MED12L: variants seen among roughly 807,000 people sequenced by gnomAD.
The protein encoded by MED12L is mediator complex subunit 12L, also known as mediator of RNA polymerase II transcription subunit 12-like protein.
MED12L carries 60 observed loss-of-function variants against 281.3 expected under a neutral mutation model. The observed-to-expected ratio is 0.21, with a 90% confidence interval of 0.17 to 0.26. The LOEUF (loss-of-function observed/expected upper bound fraction) is 0.26, where lower values mean the gene tolerates loss of function less well. MED12L is among the 10% of genes least tolerant of loss of function. The pLI is 1.00. For missense variants in MED12L, 2,146 were observed against 2,680.9 expected (o/e 0.80, Z 4.41); for synonymous variants, 974 against 987.2 (o/e 0.99, Z 0.25).
chr3:151,142,378 G>T (rs749103856), intron 5 of MED12L, among the ~76,000 whole-genome samples: 19 of 152,222 alleles, frequency 1.2e-4, no homozygotes, highest in African/African-American at 4.6e-4. Flanking sequence ...GCATCTTGCA[G>T]ATCTGTTGCT....
chr3:151,264,662 C>T lies in MED12L; in HGVS notation c.2250+70996C>T, dbSNP rs80124898. ...TAATCAATGCTGGGAGCAGGAGCCT[C>T]CTGTGACCTTCCAGCCTGTGCCCCC... On this transcript the variant is annotated intron_variant, in intron 16 of 44. Coordinates refer to ENST00000687756, the MANE Select transcript of MED12L (RefSeq NM_001393769.1). 9.8e-3 allele frequency among the ~76,000 whole-genome samples: 1,499 copies of T among 152,320 alleles called. 10 individuals are homozygous for T. The highest frequency in any genetic ancestry group is 0.031 in the Middle Eastern group (9 of 294).
chr3:151,238,719 A>G (rs1733433281), intron 16 of MED12L, among the ~76,000 whole-genome samples: 1 of 152,198 alleles, frequency 6.6e-6, no homozygotes, highest in Non-Finnish European at 1.5e-5. Context: ...AGTTTTACCA[A>G]TTGCTTAATA....
chr3:151,433,552 T>A lies in MED12L; in HGVS notation c.*748T>A, dbSNP rs759191268. 1 of 152,478 alleles carries A rather than the reference T, an allele frequency of 6.6e-6. No homozygotes were observed. Among genetic ancestry groups the A allele is most frequent in the Admixed American group, 6.5e-5 (1 of 15,288 alleles). 9.4% of individuals were successfully genotyped at this position (152,478 alleles called of 1,614,324 possible). ...ATTTGTTTTGAGGCAAGATCATTGA[T>A]GAGAGTCATTGTGAAGGTACAACAT... On this transcript the variant is annotated 3_prime_UTR_variant, in exon 45 of 45. Transcript: ENST00000687756.
chr3:151,169,855 G>T (rs535722384), intron 11 of MED12L, among the ~76,000 whole-genome samples: 2 of 152,324 alleles, frequency 1.3e-5, no homozygotes, highest in South Asian at 4.1e-4. Flanking sequence ...GTTGCAATAG[G>T]TTGGAGGTTT....
intron 5 of MED12L, among the ~76,000 whole-genome samples, chr3:151,144,032 C>T (rs1387109445): frequency 1.3e-5 from 2 of 152,294 alleles, no homozygotes; most frequent in Non-Finnish European, 2.9e-5. Flanking sequence ...ACATTAATTT[C>T]AGACTGCTAT....
intron 5 of MED12L, among the ~76,000 whole-genome samples, chr3:151,131,666 A>G (rs576855054): frequency 6.6e-6 from 1 of 152,330 alleles, no homozygotes; most frequent in South Asian, 2.1e-4. Context: ...GATAATTTGG[A>G]AAGGTTATGT....
At chr3:151,250,179 T>A (rs1736566500) in intron 16 of MED12L, among the ~76,000 whole-genome samples, 1 of 152,210 alleles carries the variant, frequency 6.6e-6, no homozygotes, top group South Asian at 2.1e-4. Context: ...CCTCAGCACT[T>A]ATCTAGAACT....
intron 16 of MED12L, among the ~76,000 whole-genome samples, chr3:151,315,477 A>G (rs1470088377): frequency 2.0e-5 from 3 of 152,188 alleles, no homozygotes; most frequent in Admixed American, 6.5e-5. Flanking sequence ...TATAGGCTGT[A>G]TCCTTAAATA....
chr3:151,392,863 TAG>T lies in MED12L; in HGVS notation c.5609-1790_5609-1789del, dbSNP rs565702381. Among the ~76,000 whole-genome samples the T allele has an allele frequency of 2.0e-3, 311 of 152,342 alleles. 1 individual carries two copies. The highest frequency in any genetic ancestry group is 8.1e-3 in the Admixed American group (124 of 15,304). On this transcript the variant is annotated intron_variant, in intron 38 of 44. Coordinates refer to ENST00000687756, the MANE Select transcript of MED12L (RefSeq NM_001393769.1). The stretch of plus-strand genomic sequence containing the variant: ...GTAGTTTCTCAGAGGTACAAGATCA[TAG>T]AGTTAGGAAAATTTTTAAAAATTAG...
intron 5 of MED12L, among the ~76,000 whole-genome samples, chr3:151,149,830 G>A (rs1419519923): frequency 6.6e-6 from 1 of 152,160 alleles, no homozygotes; most frequent in Non-Finnish European, 1.5e-5. Context: ...TCCATCTGAA[G>A]AAACCACTTT....
At chr3:151,274,377 G>C (rs1741498782) in intron 16 of MED12L, among the ~76,000 whole-genome samples, 1 of 152,102 alleles carries the variant, frequency 6.6e-6, no homozygotes, top group South Asian at 2.1e-4. Flanking sequence ...TTTTATCTCA[G>C]ACCATATCCT....
At chr3:151,429,378 A>C (rs546334788) in intron 43 of MED12L, among the ~76,000 whole-genome samples, 8 of 152,274 alleles carry the variant, frequency 5.3e-5, no homozygotes, top group African/African-American at 1.9e-4. Context: ...CACATGGGAA[A>C]CAGCCAGCAC....
intron 16 of MED12L, among the ~76,000 whole-genome samples, chr3:151,209,494 T>TG (rs1022643058): frequency 2.6e-5 from 4 of 152,202 alleles, no homozygotes; most frequent in African/African-American, 4.8e-5. Flanking sequence ...GTAATCCACA[T>TG]GCCATTAGAG....
intron 16 of MED12L, among the ~76,000 whole-genome samples, chr3:151,279,496 C>G (rs1742458625): frequency 6.6e-6 from 1 of 152,136 alleles, no homozygotes; most frequent in South Asian, 2.1e-4. Flanking sequence ...CACTGTTGAT[C>G]CTTGGCAAAG....
At chr3:151,113,651 A>C (rs1576753267) in intron 2 of MED12L, among the ~76,000 whole-genome samples, 1 of 152,204 alleles carries the variant, frequency 6.6e-6, no homozygotes, top group Non-Finnish European at 1.5e-5. Flanking sequence ...TAGAATGCAA[A>C]GTTTAAACTT....
At chr3:151,191,032 G>A in intron 14 of MED12L, 101 bp downstream of exon 14, 4 of 1,032,850 alleles carry the variant, frequency 3.9e-6, no homozygotes, top group East Asian at 2.5e-5. Context: ...ATGGCTTTTT[G>A]TTGTATTCTT....
chr3:151,430,253 T>A, intron 43 of MED12L, 46 bp from the exon 44 acceptor site: 1 of 1,612,380 alleles, frequency 6.2e-7, no homozygotes, highest in Non-Finnish European at 8.5e-7. Context: ...TGTCTGTGAT[T>A]GGCACCATGG....
intron 26 of MED12L, 114 bp downstream of exon 26, chr3:151,369,663 G>A (rs909793936): frequency 1.4e-5 from 9 of 637,712 alleles, no homozygotes; most frequent in South Asian, 1.1e-4. Flanking sequence ...CTGTTTGATC[G>A]CTTATTCTCC....
At chr3:151,109,061 ATT>A (rs11370443) in intron 2 of MED12L, among the ~76,000 whole-genome samples, 2 of 146,704 alleles carry the variant, frequency 1.4e-5, no homozygotes, top group African/African-American at 2.5e-5. Flanking sequence ...GAAGGTCTGA[ATT>A]TTTTTTTTTT....
Sources: allele counts gnomAD v4.1 joint callset (sites outside exome capture counted in the v4.1 genomes callset), GRCh38; gene constraint gnomAD v4.1.1; transcripts MANE v1.5; gene names NCBI Gene and HGNC (gene_info 2026-07-23, HGNC 2026-07-21).